Variants in ZNF747 observed in about 807,000 individuals in gnomAD.
ZNF747 encodes zinc finger protein 747, also known as KRAB domain-containing protein ZNF747.
ZNF747 carries 14 observed loss-of-function variants against 13.4 expected under a neutral mutation model. That is an observed-to-expected ratio of 1.04 (90% CI 0.69 to 1.63). The LOEUF (loss-of-function observed/expected upper bound fraction) is 1.63. ZNF747 is among the 40% of genes most tolerant of loss of function. The pLI is 0.00. For missense variants in ZNF747, 532 were observed against 477.9 expected (o/e 1.11, Z -1.05); for synonymous variants, 212 against 206.5 (o/e 1.03, Z -0.23).
Position 30,534,490 on chromosome 16 carries a change from C to T in ZNF747, c.190G>A (p.Asp64Asn), listed in dbSNP as rs754471062. ...LRPAQRALYRDVMRETYGHLG... is the reference protein window; with the variant it reads ...LRPAQRALYRNVMRETYGHLG... ...TGGCCGTAGGTCTCCCGCATCACGT[C>T]CCGGTACAGGGCCCTCTGCGCGGGC... Residue 64 changes from aspartate (D) to asparagine (N), a missense_variant, in exon 1 of 3, where the codon GAC becomes AAC. Physicochemically the swap from Asp to Asn is conservative, Grantham distance 23. Transcript: ENST00000693075. 2 of 1,608,174 alleles carry T rather than the reference C, an allele frequency of 1.2e-6. No individual in the cohort carries two copies. Among genetic ancestry groups the T allele is most frequent in the Non-Finnish European group, 1.7e-6 (2 of 1,177,668 alleles).
rs1209599202 is a variant in ZNF747 at position 30,530,994 on chromosome 16, G to T, written c.*1505C>A. The T allele has an allele frequency of 6.6e-6, 1 of 152,270 alleles. No homozygotes were observed. The highest frequency in any genetic ancestry group is 1.5e-5 in the Non-Finnish European group (1 of 68,076). 9.4% of individuals were successfully genotyped at this position (152,270 alleles called of 1,614,324 possible). ...ATACAGATGGGTACGGTTGCCACTG[G>T]CTACAAATCTAACACCAGGTGTTCC... On this transcript the variant is annotated 3_prime_UTR_variant, in exon 3 of 3. Coordinates refer to ENST00000693075, the MANE Select transcript of ZNF747 (RefSeq NM_001305018.2). The surrounding 1 kb of genome is among the most constrained non-coding windows in gnomAD (Gnocchi z 4.4).
chr16:30,534,782 C>G lies in ZNF747; in HGVS notation c.-103G>C. ...GGACGTCAGTAGAGCCCCCGAAGGCCCACTAGAGGGGATGGAAACTAAGGG... is the reference window on the plus strand; with the variant it reads ...GGACGTCAGTAGAGCCCCCGAAGGCGCACTAGAGGGGATGGAAACTAAGGG... On this transcript the variant is annotated 5_prime_UTR_variant, in exon 1 of 3. Coordinates refer to ENST00000693075, the MANE Select transcript of ZNF747 (RefSeq NM_001305018.2). 1 of 1,423,556 alleles carries G rather than the reference C, an allele frequency of 7.0e-7. No homozygotes were observed. The highest frequency in any genetic ancestry group is 9.2e-7 in the Non-Finnish European group (1 of 1,087,888). The allele number at this position is 1,423,556 out of a possible 1,614,324, so 88.2% of individuals were successfully genotyped here.
chr16:30,534,600 G>C lies in ZNF747; in HGVS notation c.80C>G (p.Ala27Gly), dbSNP rs749473206. Residue 27 changes from alanine (A) to glycine (G), a missense_variant, in exon 1 of 3, where the codon GCG (alanine) becomes GGG (glycine). Coordinates refer to ENST00000693075, the MANE Select transcript of ZNF747 (RefSeq NM_001305018.2). ...CCCGGGCTTTCTCCACTCGGATCCC[G>C]CCCCGTTTGGGTCCCGGGGAGGGAG... is the stretch of plus-strand genomic sequence containing the variant. Reference protein sequence around the residue: ...APLPPRDPNGAGSEWRKPGAV... With the variant: ...APLPPRDPNGGGSEWRKPGAV... The C allele has an allele frequency of 2.0e-5, 32 of 1,598,094 alleles. No individual in the cohort carries two copies. In the Admixed American group the frequency reaches 2.7e-4, roughly 14 times the overall value.
chr16:30,532,379 G>A lies in ZNF747; in HGVS notation c.*120C>T, dbSNP rs1013836517. The A allele has an allele frequency of 8.5e-6, 10 of 1,174,136 alleles. No individual in the cohort carries two copies. Among genetic ancestry groups the A allele is most frequent in the South Asian group, 2.8e-5 (2 of 70,694 alleles). The allele number at this position is 1,174,136 out of a possible 1,614,324, so 72.7% of individuals were successfully genotyped here. On this transcript the variant is annotated 3_prime_UTR_variant, in exon 3 of 3. Coordinates refer to ENST00000693075, the MANE Select transcript of ZNF747 (RefSeq NM_001305018.2). Reference sequence around the variant, plus strand: ...CTGAGAGCCCAAGATCAGACTGTCCGCACCCCAGGCCAGCTCTTGCGGTGG... The same window carrying A: ...CTGAGAGCCCAAGATCAGACTGTCCACACCCCAGGCCAGCTCTTGCGGTGG...
rs991180410 is a variant in ZNF747 at position 30,530,843 on chromosome 16, C to G, written c.*1656G>C. 6.6e-6 allele frequency: 1 copy of G among 152,334 alleles called. No homozygotes were observed. Among genetic ancestry groups the G allele is most frequent in the African/African-American group, 2.4e-5 (1 of 41,462 alleles). 9.4% of individuals were successfully genotyped at this position (152,334 alleles called of 1,614,324 possible). A position where few individuals can be genotyped will look rare whatever the true frequency, so the allele number is the denominator to read the frequency against. On this transcript the variant is annotated 3_prime_UTR_variant, in exon 3 of 3. Transcript: ENST00000693075. This position sits in a 1 kb window ranked among gnomAD's most constrained non-coding sequence, Gnocchi z 4.4. ...GTCACAGGCCCTTGCTCTCCTTGGG[C>G]AGGTGTTGTCCTGACCAGAGGCAGG...
chr16:30,534,284 T>C lies in ZNF747; in HGVS notation c.256A>G (p.Ile86Val). 1 of 1,588,722 alleles carries C rather than the reference T, an allele frequency of 6.3e-7. No individual in the cohort carries two copies. Among genetic ancestry groups the C allele is most frequent in the Non-Finnish European group, 8.6e-7 (1 of 1,168,042 alleles). The change falls in exon 2 of 3, where the codon ATC becomes GTC. Residue 86 changes from isoleucine (I) to valine (V), a missense_variant. Coordinates refer to ENST00000693075, the MANE Select transcript of ZNF747 (RefSeq NM_001305018.2). ...TCGGCCTTCTCCTCCACCCAGGAGA[T>C]GAGCGCCGGCTTGCTGCCTCCGACT... ...LGVGGSKPAL[I>V]SWVEEKAELW...
rs539015548 is a variant in ZNF747 at position 30,532,651 on chromosome 16, C to T, written c.844G>A (p.Ala282Thr). Residue 282 changes from alanine (A) to threonine (T), a missense_variant, in exon 3 of 3, where the codon GCC becomes ACC. Coordinates refer to ENST00000693075, the MANE Select transcript of ZNF747 (RefSeq NM_001305018.2). Reference protein sequence around the residue: ...GRCFGLKTGMAKHQWVHRPGG... With the variant: ...GRCFGLKTGMTKHQWVHRPGG... The stretch of plus-strand genomic sequence containing the variant: ...GGCCGATGGACCCATTGGTGCTTGG[C>T]CATGCCGGTCTTCAGGCCGAAGCAG... 1.2e-5 allele frequency: 19 copies of T among 1,540,110 alleles called. No homozygotes were observed. In the East Asian group the frequency reaches 3.4e-4, roughly 28 times the overall value.
Position 30,534,275 on chromosome 16 carries a change from C to T in ZNF747, c.265G>A (p.Val89Met). The T allele has an allele frequency of 6.3e-7, 1 of 1,594,902 alleles. No individual in the cohort carries two copies. The highest frequency in any genetic ancestry group is 8.5e-7 in the Non-Finnish European group (1 of 1,171,162). Residue 89 changes from valine (V) to methionine (M), a missense_variant, in exon 2 of 3, where the codon GTG becomes ATG. By Grantham distance (21) the Val-to-Met change is conservative. Transcript: ENST00000693075. ...GGSKPALISWVEEKAELWDPA... is the reference protein window; with the variant it reads ...GGSKPALISWMEEKAELWDPA... ...TCCCACAGTTCGGCCTTCTCCTCCA[C>T]CCAGGAGATGAGCGCCGGCTTGCTG...
rs2051386780 is a variant in ZNF747, at chr16:30,532,363, C to T, written c.*136G>A. The T allele has an allele frequency of 1.0e-6, 1 of 1,000,918 alleles. No homozygotes were observed. The highest frequency in any genetic ancestry group is 1.5e-6 in the Non-Finnish European group (1 of 683,802). 62.0% of individuals were successfully genotyped at this position (1,000,918 alleles called of 1,614,324 possible). ...CTGGCAGAAGAGGCTGCTGAGAGCC[C>T]AAGATCAGACTGTCCGCACCCCAGG... On this transcript the variant is annotated 3_prime_UTR_variant, in exon 3 of 3. Transcript: ENST00000693075.
intron 2 of ZNF747, 58 bp from the exon 3 acceptor site, chr16:30,533,209 A>G: frequency 6.2e-7 from 1 of 1,605,874 alleles, no homozygotes; most frequent in Non-Finnish European, 8.5e-7. Context: ...TGAATCCCAC[A>G]GCCCGCGTGG....
Position 30,532,317 on chromosome 16 carries a change from A to T in ZNF747, c.*182T>A, listed in dbSNP as rs1284066342. 5 of 698,988 alleles carry T rather than the reference A, an allele frequency of 7.2e-6. No homozygotes were observed. Among genetic ancestry groups the T allele is most frequent in the East Asian group, 5.4e-5 (2 of 36,862 alleles). 43.3% of individuals were successfully genotyped at this position (698,988 alleles called of 1,614,324 possible). A position where few individuals can be genotyped will look rare whatever the true frequency, so the allele number is the denominator to read the frequency against. ...CAGCAAAGGGGGCCTTGGAGAGCCC[A>T]GGGCAGCGGGGAGCAAGGTGCTGGC... On this transcript the variant is annotated 3_prime_UTR_variant, in exon 3 of 3. Transcript: ENST00000693075.
chr16:30,530,641 G>A lies in ZNF747; in HGVS notation c.*1858C>T, dbSNP rs2051361928. 6.6e-6 allele frequency: 1 copy of A among 152,206 alleles called. No individual in the cohort carries two copies. Among genetic ancestry groups the A allele is most frequent in the Non-Finnish European group, 1.5e-5 (1 of 68,050 alleles). The allele number at this position is 152,206 out of a possible 1,614,324, so 9.4% of individuals were successfully genotyped here. ...GCTGAGGGAGAGAGAGACCACGGTG[G>A]GATTGGATTGGAGATGAGGTTCGAA... On this transcript the variant is annotated 3_prime_UTR_variant, in exon 3 of 3. Coordinates refer to ENST00000693075, the MANE Select transcript of ZNF747 (RefSeq NM_001305018.2). This position sits in a 1 kb window ranked among gnomAD's most constrained non-coding sequence, Gnocchi z 4.4.
rs767709606 is a variant in ZNF747, at chr16:30,534,368, G to C, written c.230-58C>G. The stretch of plus-strand genomic sequence containing the variant: ...AGGAGGCCGCCTGCCCGGCCCCGGG[G>C]CCCCCAACTCCACACGCAGCTCCCA... On this transcript the variant is annotated intron_variant, in intron 1 of 2. Transcript: ENST00000693075. The C allele has an allele frequency of 7.1e-6, 11 of 1,555,152 alleles. No homozygotes were observed. In the African/African-American group the frequency reaches 1.4e-4, roughly 19 times the overall value.
chr16:30,532,344 G>A lies in ZNF747; in HGVS notation c.*155C>T. 1 of 843,364 alleles carries A rather than the reference G, an allele frequency of 1.2e-6. No individual in the cohort carries two copies. Among genetic ancestry groups the A allele is most frequent in the Non-Finnish European group, 1.8e-6 (1 of 546,556 alleles). 52.2% of individuals were successfully genotyped at this position (843,364 alleles called of 1,614,324 possible). On this transcript the variant is annotated 3_prime_UTR_variant, in exon 3 of 3. Transcript: ENST00000693075. ...GGCAGCGGGGAGCAAGGTGCTGGCAGAAGAGGCTGCTGAGAGCCCAAGATC... is the reference window on the plus strand; with the variant it reads ...GGCAGCGGGGAGCAAGGTGCTGGCAAAAGAGGCTGCTGAGAGCCCAAGATC...
rs1191731315 is a variant in ZNF747 at position 30,530,377 on chromosome 16, TC to T, written c.*2121del. The T allele has an allele frequency of 6.6e-6, 1 of 152,196 alleles. No homozygotes were observed. The highest frequency in any genetic ancestry group is 1.5e-5 in the Non-Finnish European group (1 of 68,054). 9.4% of individuals were successfully genotyped at this position (152,196 alleles called of 1,614,324 possible). On this transcript the variant is annotated 3_prime_UTR_variant, in exon 3 of 3. Coordinates refer to ENST00000693075, the MANE Select transcript of ZNF747 (RefSeq NM_001305018.2). The surrounding 1 kb of genome is among the most constrained non-coding windows in gnomAD (Gnocchi z 4.4). ...GCTCTCAGAGACCTCTAGGTAATAA[TC>T]ACGGCATCTTTAATTGGCAAACTCA... is the stretch of plus-strand genomic sequence containing the variant.
Position 30,534,446 on chromosome 16 carries a change from C to T in ZNF747, c.229+5G>A. The T allele has an allele frequency of 6.3e-7, 1 of 1,582,458 alleles. No individual in the cohort carries two copies. The highest frequency in any genetic ancestry group is 8.6e-7 in the Non-Finnish European group (1 of 1,165,552). ...AGGGCCCAGGCAAGCAGGTGGGGCT[C>T]TCACCGAGCGCGCCCAGGTGGCCGT... On this transcript the variant is annotated splice_donor_5th_base_variant and intron_variant, in intron 1 of 2. Transcript: ENST00000693075.
chr16:30,532,470 C>A lies in ZNF747; in HGVS notation c.*29G>T. ...CCCTGAGCCCATCTCGGGCCGCCCA[C>A]AATGTCTAGATGGTCACTTTTTAGG... On this transcript the variant is annotated 3_prime_UTR_variant, in exon 3 of 3. Coordinates refer to ENST00000693075, the MANE Select transcript of ZNF747 (RefSeq NM_001305018.2). The A allele has an allele frequency of 6.3e-7, 1 of 1,582,752 alleles. No homozygotes were observed.
Position 30,532,683 on chromosome 16 carries a change from C to T in ZNF747, c.812G>A (p.Cys271Tyr). Residue 271 changes from cysteine (C) to tyrosine (Y), a missense_variant, in exon 3 of 3, where the codon TGT (cysteine) becomes TAT (tyrosine). Transcript: ENST00000693075. The part of the protein sequence containing the change: ...TGEKPYRCPQ[C>Y]GRCFGLKTGM... ...GGTCTTCAGGCCGAAGCAGCGGCCA[C>T]ACTGCGGGCAGCGGTAGGGCTTCTC... The T allele has an allele frequency of 1.9e-6, 3 of 1,538,896 alleles. No individual in the cohort carries two copies. The highest frequency in any genetic ancestry group is 8.7e-7 in the Non-Finnish European group (1 of 1,146,808).
rs987306194 is a variant in ZNF747 at position 30,531,323 on chromosome 16, G to T, written c.*1176C>A. 1 of 152,200 alleles carries T rather than the reference G, an allele frequency of 6.6e-6. No individual in the cohort carries two copies. Among genetic ancestry groups the T allele is most frequent in the Non-Finnish European group, 1.5e-5 (1 of 68,042 alleles). The allele number at this position is 152,200 out of a possible 1,614,324, so 9.4% of individuals were successfully genotyped here. A position where few individuals can be genotyped will look rare whatever the true frequency, so the allele number is the denominator to read the frequency against. On this transcript the variant is annotated 3_prime_UTR_variant, in exon 3 of 3. Coordinates refer to ENST00000693075, the MANE Select transcript of ZNF747 (RefSeq NM_001305018.2). ...TTTCTGAGAGCCTAGGTGAACTTGC[G>T]AAATCTTTGGATTTTTCAAGAGATG...
Sources: gnomAD v4.1 joint callset for allele counts on GRCh38, gnomAD v4.1.1 for gene constraint, Gnocchi (gnomAD v3.1) non-coding constraint, MANE v1.5 for transcripts, NCBI Gene and HGNC (gene_info 2026-07-23, HGNC 2026-07-21) for gene names.